The following LCMT1 variants were observed in gnomAD, a reference collection of about 807,000 sequenced individuals.
LCMT1 encodes [Phosphatase 2A protein]-leucine-carboxy methyltransferase 1.
A neutral mutation model predicts 47.7 loss-of-function variants in LCMT1; 32 were observed. The ratio of observed to expected loss-of-function variants is 0.67; its 90% CI spans 0.51 to 0.90. The LOEUF is 0.90. Among genes scored for constraint, LCMT1 ranks in the 40% least tolerant of loss-of-function variants. The probability of loss-of-function intolerance (pLI) is 0.00; values close to 1 mark genes in which losing one functional copy is unlikely to be tolerated. For missense variants in LCMT1, 375 were observed against 415.2 expected (o/e 0.90, Z 0.84); for synonymous variants, 152 against 149.7 (o/e 1.02, Z -0.11).
At chr16:25,125,244 A>C (rs1597564070) in intron 1 of LCMT1, among the ~76,000 whole-genome samples, 1 of 152,208 alleles carries the variant, frequency 6.6e-6, no homozygotes, top group Non-Finnish European at 1.5e-5. Flanking sequence ...TTGCATGTGT[A>C]TGTATTCTCT....
chr16:25,113,140 C>CAAAAAAAAAAAAAAAA (rs59940814), intron 1 of LCMT1, among the ~76,000 whole-genome samples: 1 of 109,066 alleles, frequency 9.2e-6, no homozygotes. Flanking sequence ...GACTATGTCT[C>CAAAAAAAAAAAAAAAA]AAAAAAAAAA....
At chr16:25,173,187 CTT>C (rs1169451841) in intron 9 of LCMT1, among the ~76,000 whole-genome samples, 1 of 152,202 alleles carries the variant, frequency 6.6e-6, no homozygotes, top group Non-Finnish European at 1.5e-5. Flanking sequence ...GTGCCCGGCA[CTT>C]TTCTAAGCAC....
In LCMT1 at chr16:25,171,116, A is replaced by G. The variant is rs1040420638; in HGVS notation, c.884+311A>G. On this transcript the variant is annotated intron_variant, in intron 9 of 10. Coordinates refer to ENST00000399069, the MANE Select transcript of LCMT1 (RefSeq NM_016309.3). The stretch of plus-strand genomic sequence containing the variant: ...CCAGGTAGGGTGGTGCACATTTATA[A>G]TGCCAACTACTTGGGAGGCTGAGCC... Among the ~76,000 whole-genome samples, 13 of 151,698 alleles carry G rather than the reference A, an allele frequency of 8.6e-5. No individual in the cohort carries two copies. The Admixed American group carries it at 8.6e-4, about 10-fold the overall frequency.
At chr16:25,169,366 A>T (rs564891273) in intron 8 of LCMT1, 153 bp downstream of exon 8, 1 of 580,634 alleles carries the variant, frequency 1.7e-6, no homozygotes, top group African/African-American at 1.9e-5. Flanking sequence ...CTAGTTCATG[A>T]TGCTGGGAAG....
intron 10 of LCMT1, among the ~76,000 whole-genome samples, chr16:25,175,528 A>C (rs2141721951): frequency 6.6e-6 from 1 of 151,480 alleles, no homozygotes; most frequent in South Asian, 2.1e-4. Context: ...GCTACTTGGG[A>C]GGCTGAGGCA....
At position 25,140,197 on chromosome 16, in the gene LCMT1, T is replaced by C. The variant is rs752956487; in HGVS notation, c.354T>C (p.Tyr118=). ...LKDEDLLPSK[Y]FEVDFPMIVT... is the part of the protein sequence containing the mutation. ...ATGAAGATCTTCTCCCAAGTAAATATTTTGAGGTTGACTTTCCAATGATTG... is the reference window on the plus strand; with the variant it reads ...ATGAAGATCTTCTCCCAAGTAAATACTTTGAGGTTGACTTTCCAATGATTG... Residue 118 remains tyrosine (Y), a synonymous_variant, in exon 4 of 11, where the codon TAT becomes TAC. Coordinates refer to ENST00000399069, the MANE Select transcript of LCMT1 (RefSeq NM_016309.3). 1.8e-5 allele frequency: 29 copies of C among 1,609,384 alleles called. No individual in the cohort carries two copies. The highest frequency in any genetic ancestry group is 2.2e-5 in the Non-Finnish European group (26 of 1,177,630).
intron 4 of LCMT1, chr16:25,144,303 G>A (rs1960785223): frequency 6.6e-6 from 1 of 152,254 alleles, no homozygotes; most frequent in South Asian, 2.1e-4. Context: ...GCTCTGTTAA[G>A]GCCTCTAGTG....
At chr16:25,143,308 T>A (rs1292410900) in intron 4 of LCMT1, 1 of 152,168 alleles carries the variant, frequency 6.6e-6, no homozygotes, top group African/African-American at 2.4e-5. Context: ...CCAGGACTCG[T>A]GCGTCTCCTG....
chr16:25,159,785 C>CT (rs1961365657), intron 5 of LCMT1, among the ~76,000 whole-genome samples: 1 of 151,896 alleles, frequency 6.6e-6, no homozygotes, highest in Non-Finnish European at 1.5e-5. Flanking sequence ...GCCTTTTCAG[C>CT]TTTTTTGCTG....
In LCMT1 at chr16:25,134,701, A is replaced by G. The variant is rs73563451; in HGVS notation, c.327+2178A>G. 8.8e-3 allele frequency among the ~76,000 whole-genome samples: 1,339 copies of G among 152,302 alleles called. 19 individuals are homozygous for G. Among genetic ancestry groups the G allele is most frequent in the African/African-American group, 0.031 (1,274 of 41,562 alleles). ...CAGCAACCTCCACCTCCCGGGTTGA[A>G]GCAATTCTCCTGTCTCAGCCTCCCC... On this transcript the variant is annotated intron_variant, in intron 3 of 10. Coordinates refer to ENST00000399069, the MANE Select transcript of LCMT1 (RefSeq NM_016309.3).
chr16:25,156,664 C>A (rs277894), intron 5 of LCMT1, among the ~76,000 whole-genome samples: 34,692 of 152,030 alleles, frequency 0.23, 4,083 homozygotes, highest in East Asian at 0.35. Context: ...GATCATAAAG[C>A]CGGCTGAGAA....
chr16:25,151,693 T>TTGGGTG, intron 5 of LCMT1, 78 bp downstream of exon 5: 1 of 576,020 alleles, frequency 1.7e-6, no homozygotes, highest in Non-Finnish European at 2.8e-6. Flanking sequence ...GGGGTTTGTG[T>TTGGGTG]TGGGTGTGTG....
chr16:25,130,013 A>G (rs1330013221), intron 2 of LCMT1, among the ~76,000 whole-genome samples: 1 of 152,184 alleles, frequency 6.6e-6, no homozygotes. Context: ...TGCTGACAGC[A>G]GTAGGCCTAG....
intron 1 of LCMT1, among the ~76,000 whole-genome samples, chr16:25,112,504 G>A (rs1200203704): frequency 2.6e-5 from 4 of 152,212 alleles, no homozygotes; most frequent in African/African-American, 4.8e-5. Flanking sequence ...ACTGTTAAGG[G>A]TGTGGTGGTG....
At chr16:25,172,016 G>A (rs1178985233) in intron 9 of LCMT1, among the ~76,000 whole-genome samples, 3 of 151,928 alleles carry the variant, frequency 2.0e-5, no homozygotes, top group Non-Finnish European at 4.4e-5. Flanking sequence ...CCATTTAAGG[G>A]TACATAGGGC....
chr16:25,161,356 ATTC>A, intron 6 of LCMT1, 152 bp downstream of exon 6: 3 of 509,012 alleles, frequency 5.9e-6, no homozygotes, highest in Non-Finnish European at 1.0e-5. Flanking sequence ...TCTGAAAAAA[ATTC>A]TTTTTTTTTT....
At chr16:25,131,627 C>G (rs1446983217) in intron 2 of LCMT1, among the ~76,000 whole-genome samples, 1 of 152,172 alleles carries the variant, frequency 6.6e-6, no homozygotes, top group Non-Finnish European at 1.5e-5. Context: ...AACAGCCATG[C>G]ACATACTTTG....
chr16:25,125,557 G>A lies in LCMT1; in HGVS notation c.114-2918G>A, dbSNP rs191156084. 1.3e-4 allele frequency among the ~76,000 whole-genome samples: 20 copies of A among 152,154 alleles called. No individual in the cohort carries two copies. The East Asian group carries it at 2.5e-3, about 19-fold the overall frequency. On this transcript the variant is annotated intron_variant, in intron 1 of 10. Transcript: ENST00000399069. The stretch of plus-strand genomic sequence containing the variant: ...GATTAAATAATAGTTTTGTTGGGTC[G>A]GGCGCGGTGGCTCACACCTGTAATC...
chr16:25,159,573 A>G (rs1054357373), intron 5 of LCMT1, among the ~76,000 whole-genome samples: 17 of 152,118 alleles, frequency 1.1e-4, no homozygotes, highest in African/African-American at 4.1e-4. Context: ...GATACATGCC[A>G]TATTCTTTAT....
Sources: allele counts gnomAD v4.1 joint callset (sites outside exome capture counted in the v4.1 genomes callset), GRCh38; gene constraint gnomAD v4.1.1; transcripts MANE v1.5; gene names NCBI Gene and HGNC (gene_info 2026-07-23, HGNC 2026-07-21).